Variants in ARHGAP22 observed in about 807,000 individuals in gnomAD.
ARHGAP22 encodes the protein Rho GTPase activating protein 22.
A neutral mutation model predicts 59.1 loss-of-function variants in ARHGAP22; 48 were observed. The observed-to-expected ratio is 0.81, with a 90% CI of 0.64 to 1.03. ARHGAP22 has a LOEUF of 1.03. Among genes scored for constraint, ARHGAP22 ranks in the 50% least tolerant of loss-of-function variants. ARHGAP22 has a pLI of 0.00. For missense variants in ARHGAP22, 1,015 were observed against 958.7 expected (o/e 1.06, Z -0.78); for synonymous variants, 445 against 416.4 (o/e 1.07, Z -0.84).
the ARHGAP22 span, chr10:48,435,892 T>G: frequency 6.6e-6 from 1 of 152,390 alleles, no homozygotes; most frequent in African/African-American, 2.4e-5. Flanking sequence ...GCTATGAGCC[T>G]GTTTTTGTAT....
intron 2 of ARHGAP22, among the ~76,000 whole-genome samples, chr10:48,572,713 G>T (rs1174596292): frequency 6.6e-6 from 1 of 152,128 alleles, no homozygotes; most frequent in Non-Finnish European, 1.5e-5. Flanking sequence ...CTGCCTTTCC[G>T]GGTCTACCAG....
chr10:48,516,827 T>TA (rs1345149486), intron 3 of ARHGAP22, among the ~76,000 whole-genome samples: 3 of 151,984 alleles, frequency 2.0e-5, no homozygotes, highest in South Asian at 2.1e-4. Flanking sequence ...TAAATACAGA[T>TA]AAAAAATCCT....
Position 48,600,751 on chromosome 10 carries a change from C to T in ARHGAP22, c.34+4012G>A, listed in dbSNP as rs554852343. 9.2e-5 allele frequency among the ~76,000 whole-genome samples: 14 copies of T among 152,312 alleles called. No homozygotes were observed. The South Asian group carries it at 2.1e-3, about 23-fold the overall frequency. ...CTGACAAGAGACAGCTTGGTTCTCT[C>T]CATGGGGTGGAGTACCTGGCTAGTG... On this transcript the variant is annotated intron_variant, in intron 1 of 9. Transcript: ENST00000249601.
intron 3 of ARHGAP22, among the ~76,000 whole-genome samples, chr10:48,497,628 C>G (rs1244540041): frequency 2.6e-5 from 4 of 152,174 alleles, no homozygotes; most frequent in South Asian, 4.2e-4. Context: ...GAAAACAGCT[C>G]TGGAAAGAAG....
intron 2 of ARHGAP22, among the ~76,000 whole-genome samples, chr10:48,565,170 T>C (rs4012711): frequency 0.6 from 91,477 of 151,760 alleles, 28,699 homozygotes; most frequent in East Asian, 0.98. Context: ...TAATCCTGAC[T>C]ACTGCTTAGT....
intron 2 of ARHGAP22, chr10:48,575,120 C>T (rs1428758479): frequency 1.3e-5 from 2 of 152,208 alleles, no homozygotes; most frequent in African/African-American, 2.4e-5. Flanking sequence ...TTTGCTCCTG[C>T]TCTGGCCATG....
At chr10:48,546,037 G>C (rs1292958195) in intron 3 of ARHGAP22, among the ~76,000 whole-genome samples, 1 of 152,236 alleles carries the variant, frequency 6.6e-6, no homozygotes, top group Non-Finnish European at 1.5e-5. Flanking sequence ...CACTTAAACA[G>C]GCCCCCAAGG....
intron 1 of ARHGAP22, among the ~76,000 whole-genome samples, chr10:48,644,038 G>A (rs558942911): frequency 4.9e-4 from 74 of 152,090 alleles, no homozygotes; most frequent in African/African-American, 1.5e-3. Context: ...TCCCAGCTAC[G>A]TGGGAGGCTG....
At chr10:48,581,651 T>C (rs1292867525) in intron 2 of ARHGAP22, among the ~76,000 whole-genome samples, 1 of 152,276 alleles carries the variant, frequency 6.6e-6, no homozygotes, top group Non-Finnish European at 1.5e-5. Flanking sequence ...TTATTTTTAT[T>C]GTGGTAATGT....
intron 5 of ARHGAP22, 143 bp from the exon 6 acceptor site, chr10:48,455,277 GC>G (rs928399110): frequency 2.9e-6 from 3 of 1,034,438 alleles, no homozygotes; most frequent in Non-Finnish European, 4.0e-6. Context: ...GCGGCCAGCT[GC>G]CCTGGTCAAG....
intron 3 of ARHGAP22, among the ~76,000 whole-genome samples, chr10:48,498,202 G>A (rs2051143123): frequency 6.6e-6 from 1 of 152,124 alleles, no homozygotes. Context: ...GCCCGAGCAG[G>A]ACACGGCCCA....
chr10:48,563,589 T>C (rs2057852665), intron 2 of ARHGAP22, among the ~76,000 whole-genome samples: 1 of 152,226 alleles, frequency 6.6e-6, no homozygotes, highest in Non-Finnish European at 1.5e-5. Flanking sequence ...TATTCACATG[T>C]TCCAGGGATT....
chr10:48,572,152 A>T (rs757330515), intron 2 of ARHGAP22, among the ~76,000 whole-genome samples: 39 of 150,654 alleles, frequency 2.6e-4, no homozygotes, highest in Non-Finnish European at 4.9e-4. Flanking sequence ...TGGCAATAAG[A>T]TACCAAATTA....
intron 1 of ARHGAP22, among the ~76,000 whole-genome samples, chr10:48,586,579 C>A (rs893232220): frequency 6.6e-6 from 1 of 152,198 alleles, no homozygotes; most frequent in African/African-American, 2.4e-5. Flanking sequence ...TATACACTGC[C>A]TTCTAGAGAT....
At chr10:48,560,395 G>A (rs984928778) in intron 2 of ARHGAP22, among the ~76,000 whole-genome samples, 10 of 152,100 alleles carry the variant, frequency 6.6e-5, no homozygotes, top group African/African-American at 2.2e-4. Flanking sequence ...TTTTACTTCA[G>A]TAGATTTTTG....
chr10:48,560,370 CAAT>C (rs2057608283), intron 2 of ARHGAP22, among the ~76,000 whole-genome samples: 2 of 152,116 alleles, frequency 1.3e-5, no homozygotes, highest in African/African-American at 4.8e-5. Flanking sequence ...TTTTCCCCAA[CAAT>C]AATAACTCAT....
Position 48,450,998 on chromosome 10 carries a change from C to T in ARHGAP22, c.1131G>A (p.Arg377=). The change falls in exon 9 of 10, where the codon AGG becomes AGA. Residue 377 remains arginine, a synonymous_variant. Coordinates refer to ENST00000249601, the MANE Select transcript of ARHGAP22 (RefSeq NM_021226.4). ...AVGWGSEEVT[R]DSQGEPGGPG... ...GGCCGCCGGGCTCTCCTTGGCTGTC[C>T]CTGGTGACCTCCTCGGAGCCCCACC... 6.4e-7 allele frequency: 1 copy of T among 1,558,878 alleles called. No individual in the cohort carries two copies.
intron 3 of ARHGAP22, among the ~76,000 whole-genome samples, chr10:48,537,793 A>G (rs2055515313): frequency 6.6e-6 from 1 of 152,210 alleles, no homozygotes; most frequent in African/African-American, 2.4e-5. Flanking sequence ...GGGCCAAGTA[A>G]ATGATACAGC....
chr10:48,645,339 C>A (rs1589306081), intron 1 of ARHGAP22, among the ~76,000 whole-genome samples: 2 of 152,206 alleles, frequency 1.3e-5, no homozygotes, highest in East Asian at 3.9e-4. Context: ...AGGCTAATAT[C>A]CCTCATTAAC....
Sources: allele counts gnomAD v4.1 joint callset (sites outside exome capture counted in the v4.1 genomes callset), GRCh38; gene constraint gnomAD v4.1.1; transcripts MANE v1.5; gene names NCBI Gene and HGNC (gene_info 2026-07-23, HGNC 2026-07-21).